DCDC1: variants seen among roughly 807,000 people sequenced by gnomAD.
The protein encoded by DCDC1 is doublecortin domain containing 1.
In DCDC1, 200 loss-of-function variants were observed where a neutral mutation model predicts 178.3. That is an observed-to-expected ratio of 1.12 (90% CI 1.00 to 1.26). DCDC1 has a LOEUF of 1.26. Among genes scored for constraint, DCDC1 ranks in the 50% most tolerant of loss-of-function variants. The pLI is 0.00. For missense variants in DCDC1, 1,983 were observed against 1,749.2 expected (o/e 1.13, Z -2.38); for synonymous variants, 690 against 604.8 (o/e 1.14, Z -2.07).
intron 9 of DCDC1, among the ~76,000 whole-genome samples, chr11:31,156,291 T>G (rs1257858926): frequency 6.6e-6 from 1 of 152,228 alleles, no homozygotes; most frequent in Non-Finnish European, 1.5e-5. Context: ...TCAAAGCTAA[T>G]GTTTCCTATC....
chr11:30,884,062 A>ACT (rs1942950167), intron 36 of DCDC1, among the ~76,000 whole-genome samples: 1 of 25,034 alleles, frequency 4.0e-5, no homozygotes, highest in South Asian at 1.3e-3. Context: ...ACAGGGTCTC[A>ACT]CTCTGTCACC....
chr11:31,153,478 A>G (rs1219175307), intron 9 of DCDC1, among the ~76,000 whole-genome samples: 2 of 152,154 alleles, frequency 1.3e-5, no homozygotes, highest in African/African-American at 2.4e-5. Flanking sequence ...TGTGGAGAAT[A>G]TAAGGATAAA....
At chr11:31,148,555 G>A (rs1964740408) in intron 9 of DCDC1, among the ~76,000 whole-genome samples, 1 of 152,040 alleles carries the variant, frequency 6.6e-6, no homozygotes, top group African/African-American at 2.4e-5. Context: ...TAAGTGCTAA[G>A]TAAGTTTTGG....
intron 20 of DCDC1, among the ~76,000 whole-genome samples, chr11:31,061,451 TTG>T (rs147625273): frequency 4.0e-5 from 6 of 150,478 alleles, no homozygotes; most frequent in African/African-American, 4.9e-5. Flanking sequence ...TCATTTTAGA[TTG>T]TGTGTGTGTG....
chr11:30,899,955 T>A (rs1390473690), intron 33 of DCDC1, among the ~76,000 whole-genome samples: 1 of 152,186 alleles, frequency 6.6e-6, no homozygotes, highest in Non-Finnish European at 1.5e-5. Context: ...CCATTCATTT[T>A]TTAAACATCC....
At chr11:31,064,764 G>C in intron 19 of DCDC1, 138 bp from the exon 20 acceptor site, 1 of 588,880 alleles carries the variant, frequency 1.7e-6, no homozygotes, top group Non-Finnish European at 3.0e-6. Context: ...TTTGTACGTG[G>C]CCAAAAGAAA....
intron 20 of DCDC1, among the ~76,000 whole-genome samples, chr11:31,021,340 T>C (rs575761577): frequency 5.3e-5 from 8 of 152,164 alleles, no homozygotes; most frequent in Non-Finnish European, 1.0e-4. Context: ...CGTTCACCAT[T>C]AGAAAGCAAC....
Position 30,870,342 on chromosome 11 carries a change from C to T in DCDC1, c.*41-5010G>A, listed in dbSNP as rs564793339. On this transcript the variant is annotated intron_variant, in intron 38 of 38. Transcript: ENST00000684477. ...GCTGGGTGTTATCTAATGGATAACA[C>T]TGCTCCATGGGTGTCCTAGAGAATA... 3.3e-5 allele frequency among the ~76,000 whole-genome samples: 5 copies of T among 152,254 alleles called. No individual in the cohort carries two copies. The South Asian group carries it at 8.3e-4, about 25-fold the overall frequency.
At chr11:31,332,889 T>C (rs1950074102) in intron 2 of DCDC1, among the ~76,000 whole-genome samples, 1 of 152,224 alleles carries the variant, frequency 6.6e-6, no homozygotes, top group Non-Finnish European at 1.5e-5. Flanking sequence ...TGTAGATGTC[T>C]ATTAGGTCTC....
At chr11:31,196,768 A>T (rs1332446255) in intron 9 of DCDC1, among the ~76,000 whole-genome samples, 2 of 152,030 alleles carry the variant, frequency 1.3e-5, no homozygotes, top group Non-Finnish European at 2.9e-5. Context: ...GGCATGTTGG[A>T]TCCACTGCAT....
At chr11:30,961,769 A>T (rs529002610) in intron 20 of DCDC1, among the ~76,000 whole-genome samples, 8 of 152,180 alleles carry the variant, frequency 5.3e-5, no homozygotes, top group African/African-American at 7.2e-5. Context: ...GATAAGAAAA[A>T]TAAATATATA....
chr11:30,993,631 C>T (rs1430196283), intron 20 of DCDC1, among the ~76,000 whole-genome samples: 7 of 152,004 alleles, frequency 4.6e-5, no homozygotes, highest in African/African-American at 1.7e-4. Context: ...CAAGACATCA[C>T]TAGATCAATC....
intron 9 of DCDC1, among the ~76,000 whole-genome samples, chr11:31,155,745 T>A (rs1965658141): frequency 6.6e-6 from 1 of 152,166 alleles, no homozygotes; most frequent in African/African-American, 2.4e-5. Context: ...AATGCTCCCA[T>A]GAGGCAGCAA....
chr11:31,211,214 A>C (rs1972494650), intron 9 of DCDC1, among the ~76,000 whole-genome samples: 1 of 152,190 alleles, frequency 6.6e-6, no homozygotes, highest in Non-Finnish European at 1.5e-5. Context: ...ACACTACATT[A>C]TTCAAACTAT....
intron 3 of DCDC1, among the ~76,000 whole-genome samples, chr11:31,311,324 T>C (rs1948761103): frequency 6.6e-6 from 1 of 151,848 alleles, no homozygotes; most frequent in African/African-American, 2.4e-5. Context: ...GGAGGTAGGG[T>C]AATATGGGCT....
intron 9 of DCDC1, among the ~76,000 whole-genome samples, chr11:31,151,700 A>C (rs1356941432): frequency 6.6e-6 from 1 of 152,226 alleles, no homozygotes; most frequent in Non-Finnish European, 1.5e-5. Context: ...AAGTACGTGA[A>C]TGTTATGTTT....
chr11:30,912,800 T>C (rs1191135353), intron 27 of DCDC1, among the ~76,000 whole-genome samples: 1 of 152,196 alleles, frequency 6.6e-6, no homozygotes, highest in Non-Finnish European at 1.5e-5. Flanking sequence ...GGGTGATATA[T>C]ATTATATACA....
At chr11:31,189,808 C>T (rs971502494) in intron 9 of DCDC1, among the ~76,000 whole-genome samples, 1 of 152,166 alleles carries the variant, frequency 6.6e-6, no homozygotes, top group African/African-American at 2.4e-5. Flanking sequence ...ATGGATAATC[C>T]AGGATAGCCT....
intron 9 of DCDC1, among the ~76,000 whole-genome samples, chr11:31,170,041 G>A (rs748388280): frequency 1.6e-4 from 24 of 152,150 alleles, no homozygotes; most frequent in Admixed American, 2.6e-4. Flanking sequence ...GCATGATGGG[G>A]TCCACAGATG....
Sources: gnomAD v4.1 joint callset for allele counts (sites outside exome capture counted in the v4.1 genomes callset) on GRCh38, gnomAD v4.1.1 for gene constraint, MANE v1.5 for transcripts, NCBI Gene and HGNC (gene_info 2026-07-23, HGNC 2026-07-21) for gene names.